RPA1: variants seen among roughly 807,000 people sequenced by gnomAD.
The protein encoded by RPA1 is replication protein A 70 kDa DNA-binding subunit.
Under a neutral mutation model 83.0 loss-of-function variants are expected in RPA1, and 49 were observed. That is an observed-to-expected ratio of 0.59 (90% CI 0.47 to 0.75). The LOEUF (loss-of-function observed/expected upper bound fraction) is 0.75, where lower values mean the gene tolerates loss of function less well. Ranked by LOEUF, RPA1 falls within the 30% of genes least tolerant of loss-of-function variation. The pLI is 0.00. For missense variants in RPA1, 693 were observed against 776.1 expected (o/e 0.89, Z 1.27); for synonymous variants, 279 against 281.8 (o/e 0.99, Z 0.10).
chr17:1,847,347 C>T (rs1912301000), intron 4 of RPA1, among the ~76,000 whole-genome samples: 1 of 152,200 alleles, frequency 6.6e-6, no homozygotes, highest in Non-Finnish European at 1.5e-5. Flanking sequence ...TCCTCCAGGG[C>T]ATGGTTGTGG....
intron 1 of RPA1, among the ~76,000 whole-genome samples, chr17:1,834,149 C>T (rs1911721402): frequency 6.6e-6 from 1 of 152,088 alleles, no homozygotes; most frequent in Non-Finnish European, 1.5e-5. Flanking sequence ...CAGTGCATTC[C>T]AGACTGGGCG....
chr17:1,862,674 C>T (rs1422407614), intron 5 of RPA1, among the ~76,000 whole-genome samples: 5 of 145,896 alleles, frequency 3.4e-5, no homozygotes, highest in African/African-American at 7.7e-5. Context: ...CCACCTTGAC[C>T]TCCTAAAGTG....
chr17:1,847,021 A>G (rs774000148), intron 4 of RPA1, among the ~76,000 whole-genome samples: 7 of 152,084 alleles, frequency 4.6e-5, no homozygotes, highest in Admixed American at 1.3e-4. Flanking sequence ...ATATAGTCGT[A>G]CTTATTTTGC....
chr17:1,860,269 T>C (rs1460257628), intron 5 of RPA1, among the ~76,000 whole-genome samples: 4 of 151,994 alleles, frequency 2.6e-5, no homozygotes, highest in African/African-American at 9.7e-5. Flanking sequence ...GCCTGTGGAC[T>C]GCCTGGACTG....
chr17:1,862,274 A>G (rs556182453), intron 5 of RPA1, among the ~76,000 whole-genome samples: 4 of 144,114 alleles, frequency 2.8e-5, no homozygotes, highest in South Asian at 4.4e-4. Context: ...GGCTCAAGCA[A>G]TCCGCCCACC....
intron 1 of RPA1, among the ~76,000 whole-genome samples, chr17:1,836,093 A>G (rs1911808385): frequency 6.6e-6 from 1 of 151,374 alleles, no homozygotes. Context: ...TTGCTTACGT[A>G]TAGTAAATTG....
chr17:1,840,419 T>G (rs1255627358), intron 1 of RPA1, among the ~76,000 whole-genome samples: 1 of 152,156 alleles, frequency 6.6e-6, no homozygotes, highest in Non-Finnish European at 1.5e-5. Context: ...CCCAAATAGC[T>G]GGGACTACAG....
At chr17:1,872,327 G>C (rs1016568561) in intron 5 of RPA1, 107 bp from the exon 6 acceptor site, 8 of 1,495,172 alleles carry the variant, frequency 5.4e-6, no homozygotes, top group Non-Finnish European at 7.2e-6. Flanking sequence ...GGGAGTCTTT[G>C]ACAAAATAAA....
rs78150291 is a variant in RPA1, at chr17:1,843,361, C to T, written c.84+508C>T. On this transcript the variant is annotated intron_variant, in intron 2 of 16. Coordinates refer to ENST00000254719, the MANE Select transcript of RPA1 (RefSeq NM_002945.5). The stretch of plus-strand genomic sequence containing the variant: ...GGTCTCTCTGCTGCACCACACGCGC[C>T]GTGGGTCAGCTTGGGGCTCTGGGTA... Among the ~76,000 whole-genome samples, 104 of 151,774 alleles carry T rather than the reference C, an allele frequency of 6.9e-4. No individual in the cohort carries two copies. In the East Asian group the frequency reaches 0.018, roughly 26 times the overall value.
At chr17:1,855,331 TTGTG>T (rs141755840) in intron 5 of RPA1, among the ~76,000 whole-genome samples, 4 of 68,226 alleles carry the variant, frequency 5.9e-5, no homozygotes, top group Admixed American at 3.9e-4. Flanking sequence ...CCGGCTAAAA[TTGTG>T]TGTGTGTGTG....
intron 1 of RPA1, among the ~76,000 whole-genome samples, chr17:1,842,418 T>G (rs1326462308): frequency 6.6e-6 from 1 of 152,212 alleles, no homozygotes; most frequent in Non-Finnish European, 1.5e-5. Flanking sequence ...ATTTGTATTT[T>G]TTGAGGGATT....
intron 5 of RPA1, among the ~76,000 whole-genome samples, chr17:1,868,589 G>A (rs1770229680): frequency 6.6e-6 from 1 of 152,068 alleles, no homozygotes; most frequent in African/African-American, 2.4e-5. Flanking sequence ...TGGCATACAT[G>A]GTGAAACCCT....
intron 1 of RPA1, chr17:1,830,757 CCGA>C (rs1424259018): frequency 7.4e-6 from 1 of 134,276 alleles, no homozygotes; most frequent in Admixed American, 7.2e-5. Flanking sequence ...CTCTTGACTC[CCGA>C]GGCAATTTCT....
chr17:1,896,423 G>A (rs907798059), intron 16 of RPA1, among the ~76,000 whole-genome samples: 2 of 152,080 alleles, frequency 1.3e-5, no homozygotes, highest in African/African-American at 4.8e-5. Context: ...CTGATTGCAG[G>A]GTTTACTCAC....
At chr17:1,891,416 G>C (rs1738177492) in intron 14 of RPA1, among the ~76,000 whole-genome samples, 1 of 151,754 alleles carries the variant, frequency 6.6e-6, no homozygotes, top group South Asian at 2.1e-4. Flanking sequence ...TCCAAAGCCA[G>C]CTGCACCTCG....
intron 8 of RPA1, among the ~76,000 whole-genome samples, chr17:1,878,452 C>A (rs1026615942): frequency 6.6e-6 from 1 of 152,044 alleles, no homozygotes; most frequent in Admixed American, 6.6e-5. Flanking sequence ...GCTAAAATTT[C>A]TTGTCCACTT....
chr17:1,842,774 C>T (rs749035478), intron 1 of RPA1, 29 bp from the exon 2 acceptor site: 2 of 1,605,580 alleles, frequency 1.2e-6, no homozygotes, highest in Admixed American at 3.3e-5. Context: ...GAGTGCGTAT[C>T]TCACACAAAC....
chr17:1,886,638 T>C (rs1322414617), intron 13 of RPA1, among the ~76,000 whole-genome samples: 1 of 152,116 alleles, frequency 6.6e-6, no homozygotes, highest in Non-Finnish European at 1.5e-5. Flanking sequence ...ACTTTTGTTA[T>C]GGTGACGGCT....
At chr17:1,871,956 T>C (rs974937975) in intron 5 of RPA1, among the ~76,000 whole-genome samples, 3 of 152,166 alleles carry the variant, frequency 2.0e-5, no homozygotes, top group Non-Finnish European at 4.4e-5. Context: ...TTTCTGAATG[T>C]CTCCTGTTCC....
Sources: allele counts gnomAD v4.1 joint callset (sites outside exome capture counted in the v4.1 genomes callset), GRCh38; gene constraint gnomAD v4.1.1; transcripts MANE v1.5; gene names NCBI Gene and HGNC (gene_info 2026-07-23, HGNC 2026-07-21).